FAM156A: variants seen among roughly 807,000 people sequenced by gnomAD.
The protein encoded by FAM156A is protein FAM156A/FAM156B.
At chrX:52,979,337 G>C (rs1432553828) in intron 1 of FAM156A, among the ~76,000 whole-genome samples, 2 of 111,330 alleles carry the variant, frequency 1.8e-5, no homozygotes, top group Admixed American at 1.9e-4. Context: ...AGGGACCACT[G>C]AACACATAGG....
chrX:52,978,804 C>T (rs981054402), intron 1 of FAM156A, among the ~76,000 whole-genome samples: 9 of 111,948 alleles, frequency 8.0e-5, no homozygotes, highest in African/African-American at 2.3e-4. Flanking sequence ...TGGGTTTGTA[C>T]ATCAGAGAAC....
At chrX:52,986,816 CCT>C (rs1381483500) in intron 1 of FAM156A, among the ~76,000 whole-genome samples, 1 of 111,485 alleles carries the variant, frequency 9.0e-6, no homozygotes, top group Non-Finnish European at 1.9e-5. Context: ...CATTCTCACC[CCT>C]GTTATTCAAT....
intron 1 of FAM156A, among the ~76,000 whole-genome samples, chrX:52,978,974 G>GAA (rs1929681774): frequency 8.9e-6 from 1 of 112,355 alleles, no homozygotes; most frequent in South Asian, 3.7e-4. Context: ...CACACCCAGT[G>GAA]AGTCTCATGT....
At chrX:52,995,031 C>T (rs1414399464) in intron 1 of FAM156A, among the ~76,000 whole-genome samples, 2 of 111,109 alleles carry the variant, frequency 1.8e-5, no homozygotes, top group East Asian at 2.8e-4. Flanking sequence ...CACACAAAAT[C>T]CACTGAGATA....
chrX:52,994,904 T>C (rs1931062109), intron 1 of FAM156A, among the ~76,000 whole-genome samples: 1 of 110,947 alleles, frequency 9.0e-6, no homozygotes, highest in Non-Finnish European at 1.9e-5. Flanking sequence ...AGCTTGAGCC[T>C]AGGAGTATGA....
intron 1 of FAM156A, among the ~76,000 whole-genome samples, chrX:52,983,383 CA>C (rs56161716): frequency 0.18 from 19,041 of 106,398 alleles, 1,248 homozygotes; most frequent in Middle Eastern, 0.24. Context: ...AGCCATAAAA[CA>C]AAAAAAAAAG....
At chrX:52,976,140 A>G (rs782260193) in intron 1 of FAM156A, among the ~76,000 whole-genome samples, 1 of 112,030 alleles carries the variant, frequency 8.9e-6, no homozygotes, top group East Asian at 2.8e-4. Context: ...ATGAGTCTTC[A>G]GAACATCTAT....
At position 52,980,779 on chromosome X, in the gene FAM156A, CCT is replaced by C. The variant is rs1348624186; in HGVS notation, c.-434+14525_-434+14526del. 3.7e-3 allele frequency among the ~76,000 whole-genome samples: 204 copies of C among 54,899 alleles called. 18 individuals carry two copies. The Admixed American group carries it at 0.056, about 15-fold the overall frequency. 47.7% of individuals were successfully genotyped at this position (54,899 alleles called of 115,157 possible). A position where few individuals can be genotyped will look rare whatever the true frequency, so the allele number is the denominator to read the frequency against. On this transcript the variant is annotated intron_variant, in intron 1 of 4. Coordinates refer to the FAM156A transcript ENST00000610625. ...TGTAAGCAGCCTTTTGGTTAGGGTT[CCT>C]CTGTGTGTGTGTGTGTGTGTGTGTG...
rs781785391 is a variant in FAM156A, at chrX:52,983,374, G to A, written c.-434+11932C>T. On this transcript the variant is annotated intron_variant, in intron 1 of 4. Coordinates refer to the FAM156A transcript ENST00000610625. Reference sequence around the variant, plus strand: ...TTTTATCATACATCCAGATGCAGCAGCCATAAAACAAAAAAAAAAGCTATT... The same window carrying A: ...TTTTATCATACATCCAGATGCAGCAACCATAAAACAAAAAAAAAAGCTATT... 4.2e-3 allele frequency among the ~76,000 whole-genome samples: 439 copies of A among 104,559 alleles called. 2 individuals are homozygous for A. The highest frequency in any genetic ancestry group is 0.015 in the African/African-American group (424 of 28,305). 90.8% of individuals were successfully genotyped at this position (104,559 alleles called of 115,157 possible).
At chrX:52,982,421 T>TC (rs1279565933) in intron 1 of FAM156A, among the ~76,000 whole-genome samples, 2 of 111,670 alleles carry the variant, frequency 1.8e-5, no homozygotes, top group African/African-American at 6.5e-5. Context: ...GCCACTGCAC[T>TC]CCAGACTGGG....
intron 1 of FAM156A, among the ~76,000 whole-genome samples, chrX:52,978,890 G>C (rs782216400): frequency 8.9e-6 from 1 of 112,143 alleles, no homozygotes; most frequent in African/African-American, 3.2e-5. Flanking sequence ...CTATTCTCCT[G>C]CTCTAGTATT....
In FAM156A at chrX:52,986,490, C is replaced by A. The variant is rs1930297194; in HGVS notation, c.-434+8816G>T. Among the ~76,000 whole-genome samples, 4 of 109,851 alleles carry A rather than the reference C, an allele frequency of 3.6e-5. No homozygotes were observed. In the Admixed American group the frequency reaches 3.9e-4, roughly 11 times the overall value. On this transcript the variant is annotated intron_variant, in intron 1 of 4. Coordinates refer to the FAM156A transcript ENST00000610625. ...ATAATATATAAAAAGGATAATGCAC[C>A]AAGACCAAGTGGGATTTATCTTGGG...
intron 1 of FAM156A, among the ~76,000 whole-genome samples, chrX:52,989,703 C>T (rs1930558022): frequency 8.9e-6 from 1 of 112,052 alleles, no homozygotes; most frequent in Admixed American, 9.4e-5. Flanking sequence ...AGCTTCTAGA[C>T]CCAGAGTTCA....
intron 1 of FAM156A, among the ~76,000 whole-genome samples, chrX:52,983,711 A>G (rs1930067856): frequency 1.8e-5 from 2 of 111,869 alleles, no homozygotes; most frequent in African/African-American, 6.5e-5. Flanking sequence ...CAAAAACCAA[A>G]ATTTGACCTG....
chrX:52,988,335 G>C (rs1339340795), intron 1 of FAM156A, among the ~76,000 whole-genome samples: 4 of 111,356 alleles, frequency 3.6e-5, no homozygotes, highest in Non-Finnish European at 7.5e-5. Context: ...AAGACTACAG[G>C]CTGTATTATT....
At chrX:52,986,890 T>C (rs1427631615) in intron 1 of FAM156A, among the ~76,000 whole-genome samples, 1 of 111,740 alleles carries the variant, frequency 8.9e-6, no homozygotes, top group African/African-American at 3.3e-5. Context: ...GGCTTACAGA[T>C]TGGAAAGGAG....
chrX:52,985,920 A>AAAT (rs199842825), intron 1 of FAM156A, among the ~76,000 whole-genome samples: 1 of 110,320 alleles, frequency 9.1e-6, no homozygotes, highest in Admixed American at 9.7e-5. Flanking sequence ...TACTAAAAAA[A>AAAT]AATAATAATA....
chrX:52,990,836 G>GAAAAGAAAAGAA (rs1930705175), intron 1 of FAM156A, among the ~76,000 whole-genome samples: 1 of 108,859 alleles, frequency 9.2e-6, no homozygotes, highest in African/African-American at 3.4e-5. Context: ...GAAAAGAAAA[G>GAAAAGAAAAGAA]AAAAGAAAAG....
At chrX:52,988,378 T>C (rs781900760) in intron 1 of FAM156A, among the ~76,000 whole-genome samples, 62 of 102,870 alleles carry the variant, frequency 6.0e-4, no homozygotes, top group African/African-American at 2.3e-3. Context: ...AAGACAATAG[T>C]ATAGTGATAA....
Sources: allele counts gnomAD v4.1 joint callset (sites outside exome capture counted in the v4.1 genomes callset), GRCh38; gene constraint gnomAD v4.1.1; transcripts MANE v1.5; gene names NCBI Gene and HGNC (gene_info 2026-07-23, HGNC 2026-07-21).